The following LPGAT1 variants were observed in gnomAD, a reference collection of about 807,000 sequenced individuals.
LPGAT1 encodes acyl-CoA:lysophosphatidylglycerol acyltransferase 1.
A neutral mutation model predicts 47.5 loss-of-function variants in LPGAT1; 11 were observed. The observed-to-expected ratio is 0.23, with a 90% confidence interval of 0.15 to 0.38. LPGAT1 has a LOEUF of 0.38. LPGAT1 is among the 10% of genes least tolerant of loss of function. The pLI is 1.00. For missense variants in LPGAT1, 293 were observed against 439.0 expected (o/e 0.67, Z 2.97); for synonymous variants, 138 against 144.2 (o/e 0.96, Z 0.31).
intron 2 of LPGAT1, among the ~76,000 whole-genome samples, chr1:211,823,266 G>C (rs1003183457): frequency 6.6e-6 from 1 of 152,206 alleles, no homozygotes; most frequent in South Asian, 2.1e-4. Flanking sequence ...AAATTATTGC[G>C]ATCATTAAGT....
At chr1:211,784,993 T>C (rs569163583) in intron 4 of LPGAT1, among the ~76,000 whole-genome samples, 40 of 151,970 alleles carry the variant, frequency 2.6e-4, no homozygotes, top group Middle Eastern at 3.4e-3. Flanking sequence ...TTAGTAGAGA[T>C]GGGATTTCAC....
At position 211,830,568 on chromosome 1, in the gene LPGAT1, G is replaced by C; in HGVS notation, c.-28+5C>G. ...GGGGCCTGCGACCGCGGAGCCGGAG[G>C]TTACCTCGGGCTGGCCGGGCCCCAG... On this transcript the variant is annotated splice_donor_5th_base_variant and intron_variant, in intron 1 of 7. Transcript: ENST00000366997. The surrounding 1 kb of genome is among the most constrained non-coding windows in gnomAD (Gnocchi z 5.9). 8.3e-7 allele frequency: 1 copy of C among 1,208,406 alleles called. No individual in the cohort carries two copies. The allele number at this position is 1,208,406 out of a possible 1,614,324, so 74.9% of individuals were successfully genotyped here.
intron 2 of LPGAT1, among the ~76,000 whole-genome samples, chr1:211,799,600 T>A (rs1659488586): frequency 6.6e-6 from 1 of 152,170 alleles, no homozygotes; most frequent in Non-Finnish European, 1.5e-5. Context: ...AAGTTGCCCA[T>A]GATTATGCCA....
At position 211,779,055 on chromosome 1, in the gene LPGAT1, A is replaced by C. The variant is rs761996635; in HGVS notation, c.728-11T>G. The stretch of plus-strand genomic sequence containing the variant: ...CTTTTGATTTGCTGTCTGAGAACAA[A>C]GAAAAAAAGACTTAAAATTAAATCA... On this transcript the variant is annotated splice_polypyrimidine_tract_variant and intron_variant, in intron 5 of 7. Transcript: ENST00000366997. The C allele has an allele frequency of 2.6e-6, 4 of 1,561,478 alleles. No homozygotes were observed.
intron 3 of LPGAT1, among the ~76,000 whole-genome samples, chr1:211,792,710 C>CTT (rs1411063940): frequency 2.1e-4 from 13 of 61,072 alleles, no homozygotes; most frequent in Non-Finnish European, 3.8e-4. Flanking sequence ...GAATTGATTC[C>CTT]CTTTTTTTTT....
intron 5 of LPGAT1, 54 bp downstream of exon 5, chr1:211,783,175 C>T: frequency 6.9e-7 from 1 of 1,451,672 alleles, no homozygotes; most frequent in Non-Finnish European, 9.3e-7. Flanking sequence ...TCTTCTGTAA[C>T]TCCAGAAAAT....
At chr1:211,756,606 T>C (rs1299078252) in intron 6 of LPGAT1, among the ~76,000 whole-genome samples, 1 of 152,192 alleles carries the variant, frequency 6.6e-6, no homozygotes, top group Non-Finnish European at 1.5e-5. Flanking sequence ...AGTGGTGGAA[T>C]TGAGTGAGCC....
intron 6 of LPGAT1, among the ~76,000 whole-genome samples, chr1:211,766,597 G>C (rs1472508441): frequency 6.6e-6 from 1 of 152,162 alleles, no homozygotes; most frequent in Non-Finnish European, 1.5e-5. Flanking sequence ...ATGATGGGAT[G>C]TGAAAACAAA....
In LPGAT1 at chr1:211,744,003, A is replaced by C. The variant is rs1656847369; in HGVS notation, c.*5896T>G. The stretch of plus-strand genomic sequence containing the variant: ...GTTTACTTAGCTTTGAGAAATGAAA[A>C]GTATAAAGACAACTTTAGAAATATG... On this transcript the variant is annotated 3_prime_UTR_variant, in exon 8 of 8. Transcript: ENST00000366997. 1 of 152,338 alleles carries C rather than the reference A, an allele frequency of 6.6e-6. No individual in the cohort carries two copies. Among genetic ancestry groups the C allele is most frequent in the East Asian group, 1.9e-4 (1 of 5,188 alleles). 9.4% of individuals were successfully genotyped at this position (152,338 alleles called of 1,614,324 possible).
chr1:211,795,581 G>A (rs1193660802), intron 2 of LPGAT1, among the ~76,000 whole-genome samples: 2 of 152,138 alleles, frequency 1.3e-5, no homozygotes, highest in Admixed American at 6.5e-5. Context: ...TGGTCAGGCT[G>A]GTCTTCAACT....
At chr1:211,803,158 C>T (rs1659635374) in intron 2 of LPGAT1, 1 of 152,074 alleles carries the variant, frequency 6.6e-6, no homozygotes, top group African/African-American at 2.4e-5. Context: ...CAGAATTCTC[C>T]ACCCAGCCAA....
In LPGAT1 at chr1:211,820,182, A is replaced by T. The variant is rs1425749889; in HGVS notation, c.238+8877T>A. Among the ~76,000 whole-genome samples, 2 of 152,324 alleles carry T rather than the reference A, an allele frequency of 1.3e-5. 1 individual carries two copies. Among genetic ancestry groups the T allele is most frequent in the East Asian group, 3.9e-4 (2 of 5,190 alleles). On this transcript the variant is annotated intron_variant, in intron 2 of 7. Coordinates refer to ENST00000366997, the MANE Select transcript of LPGAT1 (RefSeq NM_014873.3). Reference sequence around the variant, plus strand: ...CACACCCAGGTGTCATATGTGAAAAAGACTACCTCTGAGGCAGAAATCTGG... The same window carrying T: ...CACACCCAGGTGTCATATGTGAAAATGACTACCTCTGAGGCAGAAATCTGG...
chr1:211,793,343 C>G (rs552745915), intron 2 of LPGAT1, 153 bp from the exon 3 acceptor site: 48 of 395,434 alleles, frequency 1.2e-4, no homozygotes, highest in Non-Finnish European at 1.9e-4. Context: ...CTGTGCAAAT[C>G]AGAATGTTAA....
chr1:211,752,685 A>C (rs960131353), intron 6 of LPGAT1, among the ~76,000 whole-genome samples: 1 of 151,948 alleles, frequency 6.6e-6, no homozygotes, highest in Non-Finnish European at 1.5e-5. Flanking sequence ...GATCACTGTA[A>C]CTATGCATTA....
chr1:211,795,629 C>T (rs142861593), intron 2 of LPGAT1, among the ~76,000 whole-genome samples: 48 of 152,190 alleles, frequency 3.2e-4, no homozygotes, highest in African/African-American at 1.1e-3. Flanking sequence ...GGCCTCCCAA[C>T]GTGCTGAGAC....
chr1:211,830,512 G>A lies in LPGAT1; in HGVS notation c.-28+61C>T. On this transcript the variant is annotated intron_variant, in intron 1 of 7. Transcript: ENST00000366997. The surrounding 1 kb of genome is among the most constrained non-coding windows in gnomAD (Gnocchi z 5.9). ...CGACACCCCCTTCCCCGCCCCCAGC[G>A]CCTCCCCTGGCCCGGCTCCGCTGCC... 2 of 1,197,234 alleles carry A rather than the reference G, an allele frequency of 1.7e-6. No individual in the cohort carries two copies. Among genetic ancestry groups the A allele is most frequent in the Non-Finnish European group, 2.1e-6 (2 of 964,992 alleles). The allele number at this position is 1,197,234 out of a possible 1,614,324, so 74.2% of individuals were successfully genotyped here. A position where few individuals can be genotyped will look rare whatever the true frequency, so the allele number is the denominator to read the frequency against.
intron 3 of LPGAT1, 29 bp downstream of exon 3, chr1:211,793,043 G>T: frequency 1.4e-6 from 2 of 1,447,976 alleles, no homozygotes; most frequent in Non-Finnish European, 1.9e-6. Context: ...CTTTCTGGAT[G>T]TCTATCTACT....
At chr1:211,780,096 G>A (rs1024083541) in intron 5 of LPGAT1, among the ~76,000 whole-genome samples, 2 of 151,840 alleles carry the variant, frequency 1.3e-5, no homozygotes, top group Non-Finnish European at 2.9e-5. Context: ...AGAATCGCTT[G>A]AACCCAGGAG....
At chr1:211,756,792 T>C (rs1366972387) in intron 6 of LPGAT1, among the ~76,000 whole-genome samples, 1 of 152,148 alleles carries the variant, frequency 6.6e-6, no homozygotes, top group African/African-American at 2.4e-5. Flanking sequence ...GGTTCTGATA[T>C]GCCTCACTGA....
Sources: allele counts gnomAD v4.1 joint callset (sites outside exome capture counted in the v4.1 genomes callset), GRCh38; gene constraint gnomAD v4.1.1; non-coding constraint Gnocchi (gnomAD v3.1); transcripts MANE v1.5; gene names NCBI Gene and HGNC (gene_info 2026-07-23, HGNC 2026-07-21).